The following PDZRN4 variants were observed in gnomAD, a reference collection of about 807,000 sequenced individuals.
The protein encoded by PDZRN4 is PDZ domain-containing RING finger protein 4.
Under a neutral mutation model 99.0 loss-of-function variants are expected in PDZRN4, and 70 were observed. That is an observed-to-expected ratio of 0.71 (90% confidence interval 0.58 to 0.86). PDZRN4 has a LOEUF of 0.86. PDZRN4 is among the 40% of genes least tolerant of loss of function. The pLI is 0.00. For missense variants in PDZRN4, 1,474 were observed against 1,331.2 expected (o/e 1.11, Z -1.67); for synonymous variants, 551 against 501.6 (o/e 1.10, Z -1.32).
chr12:41,344,709 A>G (rs974525913), intron 3 of PDZRN4, among the ~76,000 whole-genome samples: 1 of 149,708 alleles, frequency 6.7e-6, no homozygotes, highest in African/African-American at 2.4e-5. Flanking sequence ...CACTTTTATA[A>G]TAATTAATTT....
chr12:41,572,982 A>C lies in PDZRN4; in HGVS notation c.2203A>C (p.Ser735Arg). Reference sequence around the variant, plus strand: ...GCATCCAGAAAAGTCTGACAAGGACAGTTCTAGTGCTTACAACACAGCTGA... The same window carrying C: ...GCATCCAGAAAAGTCTGACAAGGACCGTTCTAGTGCTTACAACACAGCTGA... ...MEHPEKSDKD[S>R]SSAYNTAESC... The change falls in exon 10 of 10, where the codon AGT (serine) becomes CGT (arginine). Residue 735 changes from serine (S) to arginine (R), a missense_variant. Ser to Arg is a moderately radical substitution (Grantham distance 110). Transcript: ENST00000402685. 6.2e-7 allele frequency: 1 copy of C among 1,614,224 alleles called. No individual in the cohort carries two copies. The highest frequency in any genetic ancestry group is 8.5e-7 in the Non-Finnish European group (1 of 1,180,022).
chr12:41,265,700 C>A (rs531305766), intron 3 of PDZRN4, among the ~76,000 whole-genome samples: 2 of 152,254 alleles, frequency 1.3e-5, no homozygotes, highest in African/African-American at 4.8e-5. Context: ...TTTTTCTTAG[C>A]CAGATGCATG....
intron 3 of PDZRN4, among the ~76,000 whole-genome samples, chr12:41,207,836 G>T (rs879293739): frequency 1.3e-5 from 2 of 151,674 alleles, no homozygotes; most frequent in Admixed American, 6.6e-5. Context: ...TAATATGAAG[G>T]AATAGTAAAC....
chr12:41,503,167 G>A (rs1325427761), intron 3 of PDZRN4, among the ~76,000 whole-genome samples: 2 of 152,072 alleles, frequency 1.3e-5, no homozygotes. Context: ...CATTTTCTAA[G>A]GGATCATGTG....
At chr12:41,363,455 G>A (rs1951976543) in intron 3 of PDZRN4, among the ~76,000 whole-genome samples, 1 of 152,070 alleles carries the variant, frequency 6.6e-6, no homozygotes, top group Non-Finnish European at 1.5e-5. Context: ...ATTTGTTCAG[G>A]ATGCATTTAT....
At chr12:41,495,345 C>T (rs1209074142) in intron 3 of PDZRN4, among the ~76,000 whole-genome samples, 3 of 152,058 alleles carry the variant, frequency 2.0e-5, no homozygotes, top group Admixed American at 1.3e-4. Flanking sequence ...CCTTTATATA[C>T]TTAAAATTCA....
intron 7 of PDZRN4, among the ~76,000 whole-genome samples, chr12:41,558,080 A>G (rs1005205586): frequency 2.0e-5 from 3 of 152,232 alleles, no homozygotes; most frequent in East Asian, 3.8e-4. Context: ...TGTCATCCAG[A>G]TAACAAAAGC....
At chr12:41,219,715 A>G (rs527823848) in intron 3 of PDZRN4, among the ~76,000 whole-genome samples, 1 of 152,276 alleles carries the variant, frequency 6.6e-6, no homozygotes, top group South Asian at 2.1e-4. Flanking sequence ...CAACCTTGAT[A>G]TGATATGAGC....
intron 3 of PDZRN4, among the ~76,000 whole-genome samples, chr12:41,334,109 T>C (rs1031644773): frequency 4.6e-5 from 7 of 152,240 alleles, no homozygotes; most frequent in Non-Finnish European, 7.4e-5. Flanking sequence ...AAGGCCACCC[T>C]TCTCTCTGCA....
At chr12:41,222,581 C>T (rs1185436644) in intron 3 of PDZRN4, among the ~76,000 whole-genome samples, 1 of 152,084 alleles carries the variant, frequency 6.6e-6, no homozygotes, top group Non-Finnish European at 1.5e-5. Context: ...TGCAGTGGTG[C>T]AAGCTCAGCT....
At chr12:41,338,456 CT>C (rs1302994086) in intron 3 of PDZRN4, among the ~76,000 whole-genome samples, 1 of 151,582 alleles carries the variant, frequency 6.6e-6, no homozygotes, top group African/African-American at 2.4e-5. Context: ...AAAAATAAAT[CT>C]CAGAGATGAA....
At chr12:41,455,350 A>G (rs971831770) in intron 3 of PDZRN4, among the ~76,000 whole-genome samples, 4 of 152,224 alleles carry the variant, frequency 2.6e-5, no homozygotes, top group Non-Finnish European at 5.9e-5. Context: ...CTAAAATCTC[A>G]TGAAAAAGAT....
chr12:41,349,336 A>G (rs1231409509), intron 3 of PDZRN4, among the ~76,000 whole-genome samples: 1 of 151,888 alleles, frequency 6.6e-6, no homozygotes, highest in Non-Finnish European at 1.5e-5. Flanking sequence ...TACTAGATTA[A>G]GACATGTGAA....
intron 5 of PDZRN4, among the ~76,000 whole-genome samples, chr12:41,510,262 T>G (rs1326439542): frequency 6.6e-6 from 1 of 152,150 alleles, no homozygotes; most frequent in Non-Finnish European, 1.5e-5. Context: ...CTATTTTCAT[T>G]TGTTGTATAA....
intron 3 of PDZRN4, among the ~76,000 whole-genome samples, chr12:41,287,853 G>A (rs548442095): frequency 5.5e-4 from 83 of 152,248 alleles, no homozygotes; most frequent in African/African-American, 2.0e-3. Context: ...TTCCAGGACT[G>A]TCACCAAAGT....
chr12:41,469,137 T>C (rs549260991), intron 3 of PDZRN4, among the ~76,000 whole-genome samples: 1 of 152,350 alleles, frequency 6.6e-6, no homozygotes, highest in East Asian at 1.9e-4. Flanking sequence ...AAAGAAATAT[T>C]TCCTATTCAG....
chr12:41,195,635 G>T (rs1007268880), intron 3 of PDZRN4, among the ~76,000 whole-genome samples: 13 of 152,100 alleles, frequency 8.5e-5, no homozygotes, highest in African/African-American at 3.1e-4. Flanking sequence ...TATCTAAAGA[G>T]GTCTCTTGTA....
Position 41,195,959 on chromosome 12 carries a change from A to G in PDZRN4, c.843+1771A>G, listed in dbSNP as rs142715645. Among the ~76,000 whole-genome samples, 63 of 152,306 alleles carry G rather than the reference A, an allele frequency of 4.1e-4. No individual in the cohort carries two copies. The East Asian group carries it at 0.011, about 27-fold the overall frequency. On this transcript the variant is annotated intron_variant, in intron 3 of 9. Coordinates refer to ENST00000402685, the MANE Select transcript of PDZRN4 (RefSeq NM_001164595.2). ...TTGTTACACCCACACAAACACATAGACACAACAGAAATACGTATTGGCAAT... is the reference window on the plus strand; with the variant it reads ...TTGTTACACCCACACAAACACATAGGCACAACAGAAATACGTATTGGCAAT...
intron 5 of PDZRN4, among the ~76,000 whole-genome samples, chr12:41,523,528 T>A (rs1334442096): frequency 1.3e-5 from 2 of 152,118 alleles, no homozygotes; most frequent in Non-Finnish European, 2.9e-5. Flanking sequence ...GCTCAGCAAA[T>A]ATTTATTAAG....
Sources: gnomAD v4.1 joint callset for allele counts (sites outside exome capture counted in the v4.1 genomes callset) on GRCh38, gnomAD v4.1.1 for gene constraint, MANE v1.5 for transcripts, NCBI Gene and HGNC (gene_info 2026-07-23, HGNC 2026-07-21) for gene names.